ITPK1: variants seen among roughly 807,000 people sequenced by gnomAD.
The protein encoded by ITPK1 is inositol 1,3,4-trisphosphate 5/6-kinase.
A neutral mutation model predicts 45.3 loss-of-function variants in ITPK1; 21 were observed. That is an observed-to-expected ratio of 0.46 (90% CI 0.33 to 0.67). The LOEUF is 0.67. Ranked by LOEUF, ITPK1 falls within the 30% of genes least tolerant of loss-of-function variation. ITPK1 has a pLI of 0.02. For synonymous variants in ITPK1, 258 were observed against 253.6 expected (o/e 1.02, Z -0.16); for missense variants, 474 against 573.5 (o/e 0.83, Z 1.77).
chr14:92,939,572 G>A lies in ITPK1; in HGVS notation c.*1989C>T. 2.0e-6 allele frequency: 1 copy of A among 504,662 alleles called. No individual in the cohort carries two copies. The highest frequency in any genetic ancestry group is 2.6e-6 in the Non-Finnish European group (1 of 390,728). 31.3% of individuals were successfully genotyped at this position (504,662 alleles called of 1,614,324 possible). The stretch of plus-strand genomic sequence containing the variant: ...ATCTCCACTCTTGGAAAATGCAGCT[G>A]CCCTGCACACCCACAGCCCCGCCCC... On this transcript the variant is annotated 3_prime_UTR_variant, in exon 11 of 11. Coordinates refer to ENST00000267615, the MANE Select transcript of ITPK1 (RefSeq NM_014216.6).
chr14:92,943,526 C>T (rs369391122), intron 10 of ITPK1, among the ~76,000 whole-genome samples: 3 of 152,202 alleles, frequency 2.0e-5, no homozygotes, highest in Admixed American at 6.5e-5. Context: ...ACGGGCATGG[C>T]TGTTGGGTGC....
chr14:92,985,236 G>A (rs997021367), intron 5 of ITPK1, among the ~76,000 whole-genome samples: 3 of 152,222 alleles, frequency 2.0e-5, no homozygotes, highest in Admixed American at 6.5e-5. Context: ...CACAGAGAGC[G>A]ACAACCAGAT....
At chr14:93,022,922 G>A (rs1234455226) in intron 3 of ITPK1, among the ~76,000 whole-genome samples, 2 of 152,204 alleles carry the variant, frequency 1.3e-5, no homozygotes, top group Non-Finnish European at 2.9e-5. Context: ...GATAAGAGTA[G>A]GTGCTTGAAT....
At chr14:92,991,444 C>T (rs1886784488) in intron 5 of ITPK1, among the ~76,000 whole-genome samples, 1 of 152,080 alleles carries the variant, frequency 6.6e-6, no homozygotes, top group Non-Finnish European at 1.5e-5. Flanking sequence ...TGATCTAGAA[C>T]CAAGCATGCG....
chr14:93,114,717 C>T (rs1343319036), intron 2 of ITPK1, among the ~76,000 whole-genome samples: 1 of 152,196 alleles, frequency 6.6e-6, no homozygotes, highest in Non-Finnish European at 1.5e-5. Context: ...TCCAAAAGTA[C>T]CCTCAAGCCC....
chr14:93,083,787 A>G (rs1891539560), intron 2 of ITPK1, among the ~76,000 whole-genome samples: 1 of 151,922 alleles, frequency 6.6e-6, no homozygotes, highest in African/African-American at 2.4e-5. Flanking sequence ...TCCCCACATC[A>G]CCACCTGACC....
At chr14:92,944,636 A>G (rs1228138446) in intron 10 of ITPK1, among the ~76,000 whole-genome samples, 2 of 152,098 alleles carry the variant, frequency 1.3e-5, no homozygotes, top group African/African-American at 4.8e-5. Context: ...CTGGCCCTCC[A>G]GCCACTGACG....
intron 4 of ITPK1, among the ~76,000 whole-genome samples, chr14:92,995,722 T>C (rs573099879): frequency 2.0e-5 from 3 of 152,330 alleles, no homozygotes; most frequent in South Asian, 4.1e-4. Context: ...AGCAAGCCAT[T>C]TGGCCACCAA....
At position 92,971,507 on chromosome 14, in the gene ITPK1, G is replaced by A. The variant is rs114068831; in HGVS notation, c.365-8658C>T. On this transcript the variant is annotated intron_variant, in intron 5 of 10. Coordinates refer to ENST00000267615, the MANE Select transcript of ITPK1 (RefSeq NM_014216.6). The stretch of plus-strand genomic sequence containing the variant: ...AGCAGGTGTGCATGAAAAACTCGCC[G>A]TACTATTGTCGTCATCACCTGGACC... Among the ~76,000 whole-genome samples, 701 of 152,316 alleles carry A rather than the reference G, an allele frequency of 4.6e-3. 7 individuals carry two copies. Among genetic ancestry groups the A allele is most frequent in the African/African-American group, 0.016 (648 of 41,574 alleles).
At chr14:92,959,712 A>G (rs1380698141) in intron 7 of ITPK1, among the ~76,000 whole-genome samples, 1 of 151,892 alleles carries the variant, frequency 6.6e-6, no homozygotes, top group African/African-American at 2.4e-5. Context: ...TATAGCTTAA[A>G]AAAAAAAAAA....
intron 3 of ITPK1, among the ~76,000 whole-genome samples, chr14:93,022,821 TG>T (rs558118589): frequency 1.7e-3 from 252 of 151,364 alleles, no homozygotes; most frequent in African/African-American, 5.8e-3. Context: ...CCACTGTGCC[TG>T]GCCATATCTC....
chr14:92,946,375 T>C lies in ITPK1; in HGVS notation c.857A>G (p.Asn286Ser). ...SLFGIDIIIN[N>S]QTGQHAVIDI... ...AATGACGGCGTGCTGCCCTGTCTGG[T>C]TGTTGATGATGATGTCGATGCCGAA... The change falls in exon 10 of 11, where the codon AAC becomes AGC. Residue 286 changes from asparagine (N) to serine (S), a missense_variant. Physicochemically the swap from Asn to Ser is conservative, Grantham distance 46 (BLOSUM62 1). Transcript: ENST00000267615. 6.2e-7 allele frequency: 1 copy of C among 1,613,426 alleles called. No homozygotes were observed. Among genetic ancestry groups the C allele is most frequent in the Non-Finnish European group, 8.5e-7 (1 of 1,180,004 alleles).
chr14:92,961,612 C>G (rs919138018), intron 7 of ITPK1, among the ~76,000 whole-genome samples: 1 of 152,194 alleles, frequency 6.6e-6, no homozygotes, highest in Non-Finnish European at 1.5e-5. Context: ...GGGCCCAGCC[C>G]GGTGCCTGCC....
chr14:93,014,647 G>A lies in ITPK1; in HGVS notation c.246+2029C>T, dbSNP rs979488403. On this transcript the variant is annotated intron_variant, in intron 4 of 10. Transcript: ENST00000267615. This position sits in a 1 kb window ranked among gnomAD's most constrained non-coding sequence, Gnocchi z 4.4. ...AGACAGTTTGACTCCCAAGTCCTCCGCCTCATCCATCTCTGGAGAGGCCAC... is the reference window on the plus strand; with the variant it reads ...AGACAGTTTGACTCCCAAGTCCTCCACCTCATCCATCTCTGGAGAGGCCAC... Among the ~76,000 whole-genome samples the A allele has an allele frequency of 2.0e-5, 3 of 152,162 alleles. No homozygotes were observed. Among genetic ancestry groups the A allele is most frequent in the South Asian group, 2.1e-4 (1 of 4,828 alleles).
intron 9 of ITPK1, among the ~76,000 whole-genome samples, chr14:92,948,928 G>A (rs1595077847): frequency 1.3e-5 from 2 of 152,104 alleles, no homozygotes; most frequent in East Asian, 3.9e-4. Context: ...TATCACCCAC[G>A]CTCTGAGGCC....
chr14:92,996,836 A>G (rs775561455), intron 4 of ITPK1, among the ~76,000 whole-genome samples: 41 of 152,156 alleles, frequency 2.7e-4, no homozygotes, highest in Non-Finnish European at 3.8e-4. Flanking sequence ...CAAGAAACCC[A>G]GGCGCCCGAT....
At chr14:92,995,979 G>A (rs1056496222) in intron 4 of ITPK1, among the ~76,000 whole-genome samples, 2 of 152,188 alleles carry the variant, frequency 1.3e-5, no homozygotes, top group Non-Finnish European at 2.9e-5. Context: ...GCACCATTCC[G>A]TCATCAGAGC....
intron 4 of ITPK1, among the ~76,000 whole-genome samples, chr14:93,008,731 C>T (rs988319613): frequency 1.3e-5 from 2 of 152,242 alleles, no homozygotes; most frequent in African/African-American, 4.8e-5. Context: ...CACGGGCACA[C>T]AGCCTGCACA....
At position 93,016,553 on chromosome 14, in the gene ITPK1, C is replaced by A; in HGVS notation, c.246+123G>T. The A allele has an allele frequency of 8.9e-7, 1 of 1,121,864 alleles. No homozygotes were observed. Among genetic ancestry groups the A allele is most frequent in the Non-Finnish European group, 1.3e-6 (1 of 781,536 alleles). The allele number at this position is 1,121,864 out of a possible 1,614,324, so 69.5% of individuals were successfully genotyped here. On this transcript the variant is annotated intron_variant, in intron 4 of 10. Transcript: ENST00000267615. The surrounding 1 kb of genome is among the most constrained non-coding windows in gnomAD (Gnocchi z 5.0). ...AGCCCATGTCTTGCCAGTGGCAGAG[C>A]CATTTCTCCAGACTATACCTCCAGA... is the stretch of plus-strand genomic sequence containing the variant.
Sources: gnomAD v4.1 joint callset for allele counts (sites outside exome capture counted in the v4.1 genomes callset) on GRCh38, gnomAD v4.1.1 for gene constraint, Gnocchi (gnomAD v3.1) non-coding constraint, MANE v1.5 for transcripts, NCBI Gene and HGNC (gene_info 2026-07-23, HGNC 2026-07-21) for gene names.